The following CPLANE1 variants were observed in gnomAD, a reference collection of about 807,000 sequenced individuals.
The protein encoded by CPLANE1 is ciliogenesis and planar polarity effector complex subunit 1, also known as ciliogenesis and planar polarity effector 1.
CPLANE1 carries 263 observed loss-of-function variants against 362.5 expected under a neutral mutation model. The ratio of observed to expected loss-of-function variants is 0.73; its 90% CI spans 0.66 to 0.80. CPLANE1 has a LOEUF of 0.80. CPLANE1 is among the 30% of genes least tolerant of loss of function. The pLI is 0.00. For missense variants in CPLANE1, 3,461 were observed against 3,793.4 expected (o/e 0.91, Z 2.30); for synonymous variants, 1,212 against 1,302.6 (o/e 0.93, Z 1.50).
chr5:37,128,920 T>C (rs1765002058), intron 46 of CPLANE1, among the ~76,000 whole-genome samples: 1 of 151,164 alleles, frequency 6.6e-6, no homozygotes, highest in African/African-American at 2.4e-5. Flanking sequence ...CTAAAATTCA[T>C]ATGGAACCAA....
chr5:37,173,742 G>C lies in CPLANE1; in HGVS notation c.6171+13C>G. ...ATGTGTAGATTTACTTACTTATATA[G>C]AGATGTGCTTACCTGAACTAATTTA... On this transcript the variant is annotated intron_variant, in intron 32 of 52. Coordinates refer to ENST00000651892, the MANE Select transcript of CPLANE1 (RefSeq NM_001384732.1). 1.9e-6 allele frequency: 3 copies of C among 1,603,310 alleles called. No homozygotes were observed. Among genetic ancestry groups the C allele is most frequent in the South Asian group, 1.1e-5 (1 of 90,492 alleles).
At chr5:37,139,026 C>T (rs942200373) in intron 45 of CPLANE1, among the ~76,000 whole-genome samples, 178 bp from the exon 46 acceptor site, 5 of 151,988 alleles carry the variant, frequency 3.3e-5, no homozygotes, top group African/African-American at 9.7e-5. Context: ...AAAGTAATGA[C>T]TTGGTAGATT....
intron 17 of CPLANE1, among the ~76,000 whole-genome samples, chr5:37,205,988 T>G (rs1790619116): frequency 6.6e-6 from 1 of 152,220 alleles, no homozygotes; most frequent in South Asian, 2.1e-4. Flanking sequence ...AATTGAAAAT[T>G]TAATTCCTTG....
chr5:37,169,383 G>C lies in CPLANE1; in HGVS notation c.6641C>G (p.Pro2214Arg). Residue 2214 changes from proline to arginine, a missense_variant, in exon 34 of 53, where the codon CCA becomes CGA. Pro to Arg is a moderately radical substitution (Grantham distance 103, BLOSUM62 -2). Coordinates refer to ENST00000651892, the MANE Select transcript of CPLANE1 (RefSeq NM_001384732.1). ...SVVQKAPRLIPHAKTFSPGDG... is the reference protein window; with the variant it reads ...SVVQKAPRLIRHAKTFSPGDG... ...ACCAGGACTAAATGTTTTTGCATGTGGGATAAGTCTAGGTGCCTTCTGAAC... is the reference window on the plus strand; with the variant it reads ...ACCAGGACTAAATGTTTTTGCATGTCGGATAAGTCTAGGTGCCTTCTGAAC... 6.2e-7 allele frequency: 1 copy of C among 1,614,170 alleles called. No individual in the cohort carries two copies. Among genetic ancestry groups the C allele is most frequent in the African/African-American group, 1.3e-5 (1 of 75,056 alleles).
intron 14 of CPLANE1, among the ~76,000 whole-genome samples, chr5:37,222,519 A>G (rs1242386046): frequency 6.6e-6 from 1 of 152,154 alleles, no homozygotes; most frequent in Non-Finnish European, 1.5e-5. Flanking sequence ...CTCCTTTCAC[A>G]AAGGAAAGCC....
chr5:37,218,347 C>G (rs923904832), intron 15 of CPLANE1, among the ~76,000 whole-genome samples: 18 of 152,264 alleles, frequency 1.2e-4, no homozygotes, highest in African/African-American at 4.3e-4. Flanking sequence ...ATGAACTTCC[C>G]TGGTAGACTA....
chr5:37,210,174 AT>A (rs1792189580), intron 16 of CPLANE1: 1 of 1,318,846 alleles, frequency 7.6e-7, no homozygotes, highest in Non-Finnish European at 1.1e-6. Context: ...CCTTGAGAGA[AT>A]TCAAAAGCAC....
At chr5:37,174,404 G>C (rs1441823348) in intron 31 of CPLANE1, among the ~76,000 whole-genome samples, 1 of 152,138 alleles carries the variant, frequency 6.6e-6, no homozygotes, top group Admixed American at 6.5e-5. Flanking sequence ...TTAATTCTAG[G>C]ATCAGTAGAG....
intron 51 of CPLANE1, 94 bp from the exon 52 acceptor site, chr5:37,108,565 T>A (rs545758763): frequency 3.4e-6 from 4 of 1,159,450 alleles, no homozygotes; most frequent in Non-Finnish European, 4.9e-6. Context: ...AAAGCCAAGG[T>A]AGTCACATTT....
intron 46 of CPLANE1, among the ~76,000 whole-genome samples, chr5:37,134,556 T>C (rs948357252): frequency 2.0e-5 from 3 of 152,174 alleles, no homozygotes; most frequent in Admixed American, 2.0e-4. Context: ...TAGCTGGTGG[T>C]CTATCAATCT....
chr5:37,131,751 C>T (rs1047669504), intron 46 of CPLANE1, among the ~76,000 whole-genome samples: 2 of 152,056 alleles, frequency 1.3e-5, no homozygotes, highest in African/African-American at 2.4e-5. Context: ...AGGCTGGTCT[C>T]GAACTCCTGA....
chr5:37,173,616 T>C (rs1195146145), intron 32 of CPLANE1, 139 bp downstream of exon 32: 1 of 750,418 alleles, frequency 1.3e-6, no homozygotes, highest in South Asian at 2.0e-5. Flanking sequence ...GTTATAAACA[T>C]TTGAATGAAA....
chr5:37,131,418 A>G (rs896947453), intron 46 of CPLANE1, among the ~76,000 whole-genome samples: 2 of 152,068 alleles, frequency 1.3e-5, no homozygotes, highest in African/African-American at 4.8e-5. Flanking sequence ...AACTACTGTG[A>G]TTGCCTTCTT....
chr5:37,227,601 A>G lies in CPLANE1; in HGVS notation c.1338T>C (p.Leu446=). 3 of 1,551,270 alleles carry G rather than the reference A, an allele frequency of 1.9e-6. No individual in the cohort carries two copies. The highest frequency in any genetic ancestry group is 1.4e-5 in the African/African-American group (1 of 73,144). Residue 446 remains leucine (L), a synonymous_variant, in exon 10 of 53, where the codon CTT becomes CTC. Transcript: ENST00000651892. ...ATATCACACTTTGATATATTTTCTCAAGCCTCTGGGTTGAATCAAGTAGAA... is the reference window on the plus strand; with the variant it reads ...ATATCACACTTTGATATATTTTCTCGAGCCTCTGGGTTGAATCAAGTAGAA... The part of the protein sequence containing the change: ...RSLLLDSTQR[L]EKIYQSVILS...
rs748010513 is a variant in CPLANE1, at chr5:37,138,704, A to G, written c.8792+16T>C. ...AGCATTTTAAACAGGTTAAAAATGA[A>G]TTATTCAATGATTACCTGGAGGTGC... is the stretch of plus-strand genomic sequence containing the variant. On this transcript the variant is annotated intron_variant, in intron 46 of 52. Transcript: ENST00000651892. The G allele has an allele frequency of 6.3e-7, 1 of 1,596,830 alleles. No individual in the cohort carries two copies. Among genetic ancestry groups the G allele is most frequent in the Non-Finnish European group, 8.5e-7 (1 of 1,175,234 alleles).
intron 46 of CPLANE1, chr5:37,138,413 T>A (rs191702794): frequency 4.6e-6 from 2 of 437,302 alleles, no homozygotes; most frequent in African/African-American, 4.1e-5. Context: ...ATTTAAAATG[T>A]ATTCTAAGCG....
chr5:37,194,046 C>T (rs560391237), intron 21 of CPLANE1, among the ~76,000 whole-genome samples: 2 of 151,848 alleles, frequency 1.3e-5, no homozygotes, highest in East Asian at 3.9e-4. Flanking sequence ...TTCAGCCTCT[C>T]GAGTAGCTGG....
chr5:37,198,558 G>T, intron 20 of CPLANE1, 144 bp downstream of exon 20: 1 of 752,062 alleles, frequency 1.3e-6, no homozygotes, highest in Non-Finnish European at 2.1e-6. Flanking sequence ...GAAGAATCTG[G>T]TCTGTTTGTT....
At chr5:37,224,226 G>A in intron 14 of CPLANE1, 27 bp downstream of exon 14, 1 of 1,450,610 alleles carries the variant, frequency 6.9e-7, no homozygotes, top group South Asian at 1.3e-5. Context: ...CTAATATTAT[G>A]GCACATATTT....
Sources: gnomAD v4.1 joint callset for allele counts (sites outside exome capture counted in the v4.1 genomes callset) on GRCh38, gnomAD v4.1.1 for gene constraint, MANE v1.5 for transcripts, NCBI Gene and HGNC (gene_info 2026-07-23, HGNC 2026-07-21) for gene names.